The following MRC1 variants were observed in gnomAD, a reference collection of about 807,000 sequenced individuals.
MRC1 encodes the protein mannose receptor C-type 1, also known as macrophage mannose receptor 1.
In MRC1, 62 loss-of-function variants were observed where a neutral mutation model predicts 102.9. That is an observed-to-expected ratio of 0.60 (90% CI 0.49 to 0.74). The LOEUF is 0.74. Among genes scored for constraint, MRC1 ranks in the 30% least tolerant of loss-of-function variants. The pLI, the probability that MRC1 is intolerant of heterozygous loss-of-function variation, is 0.00. For missense variants in MRC1, 1,237 were observed against 862.8 expected, an observed-to-expected ratio of 1.43 and a Z score of -5.43; for synonymous variants, 457 against 298.4, an observed-to-expected ratio of 1.53 and a Z score of -5.48.
intron 4 of MRC1, among the ~76,000 whole-genome samples, chr10:17,836,028 C>T (rs1278124631): frequency 1.3e-5 from 2 of 152,360 alleles, no homozygotes; most frequent in Middle Eastern, 3.4e-3. Context: ...CTGCCTAGGT[C>T]CCAGCTCTGT....
In MRC1 at chr10:17,870,848, A is replaced by G. The variant is rs1316129030; in HGVS notation, c.2112A>G (p.Thr704=). Residue 704 remains threonine, a splice_region_variant and synonymous_variant, in exon 14 of 30, where the codon ACA becomes ACG. Coordinates refer to ENST00000569591, the MANE Select transcript of MRC1 (RefSeq NM_002438.4). ...EEQQTIWRLI[T]ASGSYHKLFW... is the part of the protein sequence containing the mutation. The stretch of plus-strand genomic sequence containing the variant: ...TTTCTTTATGTTTTGGATTTCATAG[A>G]GCTAGTGGAAGCTACCACAAACTGT... 2 of 872,260 alleles carry G rather than the reference A, an allele frequency of 2.3e-6. No individual in the cohort carries two copies. The highest frequency in any genetic ancestry group is 1.7e-5 in the Admixed American group (1 of 59,150). 54.0% of individuals were successfully genotyped at this position (872,260 alleles called of 1,614,324 possible).
chr10:17,869,757 AAAATATTG>A (rs1275866390), intron 12 of MRC1, among the ~76,000 whole-genome samples: 1 of 152,250 alleles, frequency 6.6e-6, no homozygotes, highest in African/African-American at 2.4e-5. Flanking sequence ...CATTACCAAC[AAAATATTG>A]AAACATTGCC....
At chr10:17,907,461 A>G in intron 27 of MRC1, 73 bp from the exon 28 acceptor site, 1 of 777,400 alleles carries the variant, frequency 1.3e-6, no homozygotes, top group Non-Finnish European at 2.4e-6. Flanking sequence ...GAAATTTCAC[A>G]TAAATTGGCT....
chr10:17,860,318 C>T (rs1161557694), intron 9 of MRC1, among the ~76,000 whole-genome samples: 6 of 149,872 alleles, frequency 4.0e-5, no homozygotes, highest in African/African-American at 1.5e-4. Flanking sequence ...GTCACTCAGG[C>T]TCGAGTGTAG....
At chr10:17,835,984 C>A (rs1465687598) in intron 4 of MRC1, among the ~76,000 whole-genome samples, 1 of 152,218 alleles carries the variant, frequency 6.6e-6, no homozygotes, top group African/African-American at 2.4e-5. Context: ...GGCAGCAGAG[C>A]AGAGAGGCTG....
At chr10:17,891,332 A>G (rs955709635) in intron 22 of MRC1, among the ~76,000 whole-genome samples, 10 of 151,656 alleles carry the variant, frequency 6.6e-5, no homozygotes, top group Admixed American at 1.3e-4. Context: ...ACTCCTGGCT[A>G]ATTTTTTATA....
intron 1 of MRC1, among the ~76,000 whole-genome samples, chr10:17,811,752 AT>A (rs1165452229): frequency 4.7e-5 from 7 of 150,388 alleles, no homozygotes; most frequent in Admixed American, 6.6e-5. Flanking sequence ...AATTTTTTTT[AT>A]TTTTTTTTAT....
intron 1 of MRC1, among the ~76,000 whole-genome samples, chr10:17,813,293 G>C (rs1838252964): frequency 6.6e-6 from 1 of 152,050 alleles, no homozygotes; most frequent in Non-Finnish European, 1.5e-5. Flanking sequence ...TGGCTGGAAG[G>C]GATCCAACTG....
chr10:17,843,851 A>G (rs1838785997), intron 5 of MRC1, among the ~76,000 whole-genome samples: 1 of 152,172 alleles, frequency 6.6e-6, no homozygotes. Context: ...TCCGTCTTGC[A>G]GGAAAGGAAG....
At chr10:17,843,336 T>C (rs1003860830) in intron 5 of MRC1, among the ~76,000 whole-genome samples, 2 of 152,188 alleles carry the variant, frequency 1.3e-5, no homozygotes, top group African/African-American at 4.8e-5. Context: ...TTATGCTTAT[T>C]ACTAACTTTA....
intron 3 of MRC1, among the ~76,000 whole-genome samples, chr10:17,829,448 T>G (rs1003928981): frequency 1.3e-5 from 2 of 151,438 alleles, no homozygotes; most frequent in Non-Finnish European, 2.9e-5. Context: ...CAAAAGCCCA[T>G]AGGCTTTCTG....
intron 12 of MRC1, among the ~76,000 whole-genome samples, chr10:17,868,573 A>G (rs1238744587): frequency 6.6e-6 from 1 of 152,202 alleles, no homozygotes; most frequent in East Asian, 1.9e-4. Context: ...AAACCCTGTT[A>G]CCTACCTACT....
chr10:17,866,496 C>T, intron 11 of MRC1, 66 bp from the exon 12 acceptor site: 1 of 780,780 alleles, frequency 1.3e-6, no homozygotes, highest in Non-Finnish European at 2.4e-6. Context: ...TGAGTGCCTT[C>T]TGTGAGCACG....
intron 26 of MRC1, among the ~76,000 whole-genome samples, chr10:17,902,962 A>T (rs1383939244): frequency 6.6e-6 from 1 of 151,964 alleles, no homozygotes; most frequent in Non-Finnish European, 1.5e-5. Context: ...TGTATTAAAA[A>T]TTTTTTTCCT....
At chr10:17,880,977 G>T (rs1833505775) in intron 20 of MRC1, 90 bp from the exon 21 acceptor site, 3 of 765,924 alleles carry the variant, frequency 3.9e-6, no homozygotes, top group Non-Finnish European at 7.3e-6. Flanking sequence ...TAATCTTCAT[G>T]AATAATTTTG....
chr10:17,824,601 A>G (rs1296300486), intron 2 of MRC1, among the ~76,000 whole-genome samples: 1 of 152,174 alleles, frequency 6.6e-6, no homozygotes, highest in East Asian at 1.9e-4. Context: ...CAAACATAAT[A>G]TAGGTTTAGA....
intron 4 of MRC1, among the ~76,000 whole-genome samples, chr10:17,835,829 C>T (rs1045655559): frequency 2.0e-5 from 3 of 152,120 alleles, no homozygotes; most frequent in Non-Finnish European, 2.9e-5. Context: ...GCTGAGATCC[C>T]GAAGACTCTA....
chr10:17,871,842 C>G (rs1242970363), intron 14 of MRC1, 140 bp from the exon 15 acceptor site: 1 of 685,496 alleles, frequency 1.5e-6, no homozygotes, highest in African/African-American at 1.8e-5. Context: ...GTGAACTGTG[C>G]TTTCAAAGCA....
intron 9 of MRC1, among the ~76,000 whole-genome samples, chr10:17,860,389 C>T (rs1443322924): frequency 6.6e-6 from 1 of 151,854 alleles, no homozygotes; most frequent in Admixed American, 6.6e-5. Flanking sequence ...AATCCTCCTG[C>T]CTCAGCCTCC....
Sources: allele counts gnomAD v4.1 joint callset (sites outside exome capture counted in the v4.1 genomes callset), GRCh38; gene constraint gnomAD v4.1.1; transcripts MANE v1.5; gene names NCBI Gene and HGNC (gene_info 2026-07-23, HGNC 2026-07-21).